The following CD33 variants were observed in gnomAD, a reference collection of about 807,000 sequenced individuals.
The protein encoded by CD33 is myeloid cell surface antigen CD33.
CD33 carries 25 observed loss-of-function variants against 31.4 expected under a neutral mutation model. The ratio of observed to expected loss-of-function variants is 0.80; its 90% CI spans 0.58 to 1.11. The LOEUF (loss-of-function observed/expected upper bound fraction) is 1.11, where lower values mean the gene tolerates loss of function less well. Ranked by LOEUF, CD33 falls within the 50% of genes most tolerant of loss-of-function variation. The probability of loss-of-function intolerance (pLI) is 0.00; values close to 1 mark genes in which losing one functional copy is unlikely to be tolerated. For synonymous variants in CD33, 176 were observed against 180.6 expected (o/e 0.97, Z 0.20); for missense variants, 407 against 448.1 (o/e 0.91, Z 0.83).
At chr19:51,235,404 G>A in intron 5 of CD33, 151 bp downstream of exon 5, 1 of 1,234,580 alleles carries the variant, frequency 8.1e-7, no homozygotes, top group Non-Finnish European at 1.1e-6. Flanking sequence ...ATAGGCGTGG[G>A]TCTATTCCAG....
the CD33 span, chr19:51,212,087 G>C: frequency 7.1e-6 from 5 of 705,172 alleles, no homozygotes; most frequent in South Asian, 7.4e-5. Context: ...GCTGGGCCAG[G>C]ACGCCTGGGT....
At chr19:51,218,370 G>C in the CD33 span, among the ~76,000 whole-genome samples, 1 of 152,042 alleles carries the variant, frequency 6.6e-6, no homozygotes. Context: ...TATTTAATGG[G>C]ATTTTTTGTT....
At chr19:51,226,183 G>A in intron 3 of CD33, 102 bp downstream of exon 3, 1 of 1,520,328 alleles carries the variant, frequency 6.6e-7, no homozygotes, top group Non-Finnish European at 9.1e-7. Flanking sequence ...GCTGAGTTCG[G>A]GAGCCAGAAG....
intron 4 of CD33, among the ~76,000 whole-genome samples, chr19:51,228,897 T>C (rs190178145): frequency 5.6e-4 from 85 of 152,352 alleles, no homozygotes; most frequent in Non-Finnish European, 9.8e-4. Context: ...TTTTATTTCT[T>C]TCTCTTGCCT....
intron 2 of CD33, 25 bp from the exon 3 acceptor site, chr19:51,225,778 T>C (rs1244270538): frequency 1.2e-6 from 2 of 1,604,190 alleles, no homozygotes; most frequent in African/African-American, 1.3e-5. Context: ...CTCCTGATTC[T>C]GCATCCCCTC....
intron 6 of CD33, chr19:51,236,007 A>C (rs1981776053): frequency 5.1e-6 from 3 of 586,212 alleles, no homozygotes; most frequent in South Asian, 3.7e-5. Context: ...AAATACAAAA[A>C]ATTAGCCAGA....
At chr19:51,231,472 A>G (rs1357564578) in intron 4 of CD33, among the ~76,000 whole-genome samples, 1 of 152,218 alleles carries the variant, frequency 6.6e-6, no homozygotes, top group African/African-American at 2.4e-5. Flanking sequence ...TTTAAATGGG[A>G]CAATTTAATC....
rs368389362 is a variant in CD33, at chr19:51,239,529, G to T, written c.936G>T (p.Lys312Asn). The T allele has an allele frequency of 6.2e-7, 1 of 1,604,404 alleles. No homozygotes were observed. The highest frequency in any genetic ancestry group is 1.1e-5 in the South Asian group (1 of 89,232). The change falls in exon 7 of 7, where the codon AAG becomes AAT. Residue 312 changes from lysine (K) to asparagine (N), a missense_variant. Transcript: ENST00000262262. ...TTGSASPKHQKKSKLHGPTET... is the reference protein window; with the variant it reads ...TTGSASPKHQNKSKLHGPTET... Reference sequence around the variant, plus strand: ...TTCCTCTCCATAAGAAACACCAGAAGAAGTCCAAGTTACATGGCCCCACTG... The same window carrying T: ...TTCCTCTCCATAAGAAACACCAGAATAAGTCCAAGTTACATGGCCCCACTG...
chr19:51,219,045 CAA>C, the CD33 span, among the ~76,000 whole-genome samples: 6 of 151,738 alleles, frequency 4.0e-5, no homozygotes, highest in South Asian at 1.2e-3. Flanking sequence ...AATTTTTTTT[CAA>C]ATTATGTGAA....
chr19:51,237,325 A>T (rs1301141983), intron 6 of CD33: 1 of 152,260 alleles, frequency 6.6e-6, no homozygotes, highest in East Asian at 1.9e-4. Context: ...CACAGTTTAC[A>T]AATATAAAAT....
At chr19:51,212,226 T>G in the CD33 span, 1 of 309,308 alleles carries the variant, frequency 3.2e-6, no homozygotes, top group Non-Finnish European at 6.3e-6. Flanking sequence ...TACATTTCTG[T>G]GGCTTCTGGG....
At chr19:51,215,598 A>G in the CD33 span, among the ~76,000 whole-genome samples, 1 of 152,092 alleles carries the variant, frequency 6.6e-6, no homozygotes, top group Non-Finnish European at 1.5e-5. Flanking sequence ...ATCGTGCTGG[A>G]TGACTTCTTT....
chr19:51,235,954 T>A (rs573035152), intron 6 of CD33: 2 of 693,148 alleles, frequency 2.9e-6, no homozygotes, highest in Non-Finnish European at 2.6e-6. Flanking sequence ...GTCAGGAGAT[T>A]GAGACTATCC....
the CD33 span, chr19:51,211,845 C>A: frequency 8.5e-7 from 1 of 1,179,622 alleles, no homozygotes; most frequent in Non-Finnish European, 1.3e-6. Context: ...ATCTGGCCAC[C>A]CCAGGAACCT....
chr19:51,233,128 G>C (rs33978622), intron 4 of CD33, among the ~76,000 whole-genome samples: 39,933 of 152,156 alleles, frequency 0.26, 6,337 homozygotes, highest in Admixed American at 0.43. Flanking sequence ...TTGTGGGAGA[G>C]TGGCCTTTGG....
chr19:51,239,787 T>A lies in CD33; in HGVS notation c.*99T>A. On this transcript the variant is annotated 3_prime_UTR_variant, in exon 7 of 7. Transcript: ENST00000262262. ...TGGAGATTTAACACCCCACAGGCAATGGGTTTATAGACATTATGTGAGTTT... is the reference window on the plus strand; with the variant it reads ...TGGAGATTTAACACCCCACAGGCAAAGGGTTTATAGACATTATGTGAGTTT... 1 of 922,340 alleles carries A rather than the reference T, an allele frequency of 1.1e-6. No individual in the cohort carries two copies. Among genetic ancestry groups the A allele is most frequent in the Non-Finnish European group, 1.6e-6 (1 of 611,180 alleles). 57.1% of individuals were successfully genotyped at this position (922,340 alleles called of 1,614,324 possible).
the CD33 span, chr19:51,211,504 G>C: frequency 1.6e-5 from 25 of 1,547,106 alleles, no homozygotes; most frequent in Non-Finnish European, 1.9e-5. Context: ...CAGGAGGAGG[G>C]ATAATCGTTC....
upstream of CD33, among the ~76,000 whole-genome samples, chr19:51,224,685 A>G (rs1980856249): frequency 6.6e-6 from 1 of 152,114 alleles, no homozygotes; most frequent in Non-Finnish European, 1.5e-5. Context: ...AGAATCCTAT[A>G]TCCTGCTGGA....
chr19:51,235,810 T>A lies in CD33; in HGVS notation c.924+134T>A, dbSNP rs1380970739. 3 of 824,388 alleles carry A rather than the reference T, an allele frequency of 3.6e-6. No individual in the cohort carries two copies. In the East Asian group the frequency reaches 8.0e-5, roughly 22 times the overall value. The allele number at this position is 824,388 out of a possible 1,614,324, so 51.1% of individuals were successfully genotyped here. On this transcript the variant is annotated intron_variant, in intron 6 of 6. Coordinates refer to ENST00000262262, the MANE Select transcript of CD33 (RefSeq NM_001772.4). Reference sequence around the variant, plus strand: ...TCCTCCTGTTTAACAGTGTAGGTTTTAATATTTTTCAGGTACGTTGAGGCC... The same window carrying A: ...TCCTCCTGTTTAACAGTGTAGGTTTAAATATTTTTCAGGTACGTTGAGGCC...
Sources: gnomAD v4.1 joint callset for allele counts (sites outside exome capture counted in the v4.1 genomes callset) on GRCh38, gnomAD v4.1.1 for gene constraint, MANE v1.5 for transcripts, NCBI Gene and HGNC (gene_info 2026-07-23, HGNC 2026-07-21) for gene names.